The following AOPEP variants were observed in gnomAD, a reference collection of about 807,000 sequenced individuals.
AOPEP encodes aminopeptidase O (putative).
Under a neutral mutation model 98.1 loss-of-function variants are expected in AOPEP, and 77 were observed. The ratio of observed to expected loss-of-function variants is 0.78; its 90% CI spans 0.65 to 0.95. AOPEP has a LOEUF of 0.95. Ranked by LOEUF, AOPEP falls within the 40% of genes least tolerant of loss-of-function variation. The probability of loss-of-function intolerance (pLI) is 0.00; values close to 1 mark genes in which losing one functional copy is unlikely to be tolerated. For synonymous variants in AOPEP, 346 were observed against 365.3 expected, an observed-to-expected ratio of 0.95 and a Z score of 0.60; for missense variants, 1,024 against 1,024.7, an observed-to-expected ratio of 1.00 and a Z score of 0.01.
chr9:95,082,118 T>A (rs2069872221), intron 15 of AOPEP, among the ~76,000 whole-genome samples: 1 of 152,086 alleles, frequency 6.6e-6, no homozygotes, highest in Non-Finnish European at 1.5e-5. Context: ...CCTGCTGTGC[T>A]CTTTGCTTCC....
chr9:95,081,429 A>G (rs2069756831), intron 15 of AOPEP, among the ~76,000 whole-genome samples: 1 of 152,168 alleles, frequency 6.6e-6, no homozygotes, highest in African/African-American at 2.4e-5. Context: ...CTGCCTCTGA[A>G]TGAGTGGCCT....
the AOPEP span, among the ~76,000 whole-genome samples, chr9:95,141,608 T>C: frequency 6.6e-6 from 1 of 152,210 alleles, no homozygotes; most frequent in African/African-American, 2.4e-5. Context: ...ATTTTCCTGA[T>C]TTGTAAAATG....
the AOPEP span, among the ~76,000 whole-genome samples, chr9:95,093,760 C>T: frequency 2.0e-5 from 3 of 152,108 alleles, no homozygotes; most frequent in Non-Finnish European, 2.9e-5. Context: ...ACGTACATAA[C>T]GCTCGCTTCT....
chr9:94,740,943 A>G (rs1192034085), intron 1 of AOPEP, among the ~76,000 whole-genome samples: 1 of 152,240 alleles, frequency 6.6e-6, no homozygotes, highest in Non-Finnish European at 1.5e-5. Context: ...CTTAATAAGA[A>G]CTCAGTAAGC....
chr9:94,834,847 TACATACAA>T (rs761339983), intron 5 of AOPEP, among the ~76,000 whole-genome samples: 2,079 of 150,316 alleles, frequency 0.014, 44 homozygotes, highest in African/African-American at 0.039. Context: ...CATACATACA[TACATACAA>T]ACAATAAAAC....
chr9:95,069,137 C>T (rs1587895018), intron 14 of AOPEP, among the ~76,000 whole-genome samples: 1 of 152,306 alleles, frequency 6.6e-6, no homozygotes, highest in East Asian at 1.9e-4. Flanking sequence ...ATTTTAGTCA[C>T]CATTTTATCC....
chr9:95,013,258 A>T (rs1474730697), intron 13 of AOPEP, among the ~76,000 whole-genome samples: 1 of 151,940 alleles, frequency 6.6e-6, no homozygotes, highest in African/African-American at 2.4e-5. Flanking sequence ...TTAGGAAGGC[A>T]TCTATTTTTG....
At chr9:95,146,632 G>A in the AOPEP span, among the ~76,000 whole-genome samples, 48 of 151,922 alleles carry the variant, frequency 3.2e-4, no homozygotes, top group African/African-American at 9.4e-4. Context: ...CCTTGAATTC[G>A]GAAATGTGAA....
the AOPEP span, chr9:95,135,245 G>T: frequency 2.6e-6 from 3 of 1,149,268 alleles, no homozygotes; most frequent in Non-Finnish European, 3.9e-6. Context: ...GGTTCCAATT[G>T]CTCTTTTGTT....
At chr9:94,727,886 T>G (rs1829570186) in intron 1 of AOPEP, among the ~76,000 whole-genome samples, 1 of 152,192 alleles carries the variant, frequency 6.6e-6, no homozygotes, top group African/African-American at 2.4e-5. Flanking sequence ...TTCTCCTTAC[T>G]TCATACAACC....
Position 94,760,252 on chromosome 9 carries a change from G to A in AOPEP, c.469G>A (p.Glu157Lys), listed in dbSNP as rs765095411. 6 of 1,614,176 alleles carry A rather than the reference G, an allele frequency of 3.7e-6. No homozygotes were observed. In the Admixed American group the frequency reaches 6.7e-5, roughly 18 times the overall value. Residue 157 changes from glutamate (E) to lysine (K), a missense_variant, in exon 2 of 17, where the codon GAG (glutamate) becomes AAG (lysine). Glu to Lys is a moderately conservative substitution (Grantham distance 56, BLOSUM62 1). Coordinates refer to ENST00000375315, the MANE Select transcript of AOPEP (RefSeq NM_001193329.3). ...DCCDLSVLKV[E>K]EVDVAAVPGL... ...CTGTGATTTATCTGTGTTAAAAGTCGAGGAGGTGGATGTTGCTGCTGTGCC... is the reference window on the plus strand; with the variant it reads ...CTGTGATTTATCTGTGTTAAAAGTCAAGGAGGTGGATGTTGCTGCTGTGCC...
chr9:94,877,485 C>T (rs866880426), intron 5 of AOPEP, among the ~76,000 whole-genome samples: 2 of 147,066 alleles, frequency 1.4e-5, no homozygotes, highest in Non-Finnish European at 3.0e-5. Context: ...TGCAGTGGTG[C>T]GATCTCGGCT....
At chr9:94,762,667 C>T (rs1838623518) in intron 2 of AOPEP, among the ~76,000 whole-genome samples, 1 of 152,116 alleles carries the variant, frequency 6.6e-6, no homozygotes, top group Non-Finnish European at 1.5e-5. Context: ...TTTTAAAAAA[C>T]AAATTCTAGA....
chr9:95,020,916 C>T (rs1485866828), intron 13 of AOPEP, among the ~76,000 whole-genome samples: 19 of 4,472 alleles, frequency 4.2e-3, no homozygotes, highest in Non-Finnish European at 5.3e-3. Flanking sequence ...GAGACCTTGT[C>T]TCAAAAAAAA....
At chr9:94,983,217 G>A (rs1159072247) in intron 11 of AOPEP, among the ~76,000 whole-genome samples, 1 of 152,078 alleles carries the variant, frequency 6.6e-6, no homozygotes, top group African/African-American at 2.4e-5. Context: ...TAGAGACGGG[G>A]TTTCACCATA....
chr9:94,943,927 A>AC lies in AOPEP; in HGVS notation c.1662-11250_1662-11249insC, dbSNP rs1460933205. ...AGAGTGAGACTCCATCTCAAAAAAA[A>AC]AAAAAAAAAAAAAAAAAAAACAGGT... is the stretch of plus-strand genomic sequence containing the variant. On this transcript the variant is annotated intron_variant, in intron 7 of 16. Transcript: ENST00000375315. Among the ~76,000 whole-genome samples, 12 of 149,082 alleles carry AC rather than the reference A, an allele frequency of 8.0e-5. No homozygotes were observed. In the East Asian group the frequency reaches 1.2e-3, roughly 14 times the overall value.
the AOPEP span, among the ~76,000 whole-genome samples, chr9:95,132,169 A>G: frequency 6.6e-6 from 1 of 152,218 alleles, no homozygotes; most frequent in Non-Finnish European, 1.5e-5. Context: ...GGGCTCTGCC[A>G]GCAAATGGGA....
the AOPEP span, among the ~76,000 whole-genome samples, chr9:95,134,648 T>A: frequency 6.6e-6 from 1 of 152,228 alleles, no homozygotes; most frequent in Non-Finnish European, 1.5e-5. Flanking sequence ...TGCCTTGGTC[T>A]TTATTCCTGT....
intron 5 of AOPEP, among the ~76,000 whole-genome samples, chr9:94,903,450 A>G (rs1046075648): frequency 1.3e-5 from 2 of 151,844 alleles, no homozygotes; most frequent in East Asian, 3.9e-4. Flanking sequence ...CTTTACAGTA[A>G]TCGAATTGGT....
Sources: gnomAD v4.1 joint callset for allele counts (sites outside exome capture counted in the v4.1 genomes callset) on GRCh38, gnomAD v4.1.1 for gene constraint, MANE v1.5 for transcripts, NCBI Gene and HGNC (gene_info 2026-07-23, HGNC 2026-07-21) for gene names.